RARB: variants seen among roughly 807,000 people sequenced by gnomAD.
The protein encoded by RARB is HBV-activated protein.
RARB carries 17 observed loss-of-function variants against 51.9 expected under a neutral mutation model. That is an observed-to-expected ratio of 0.33 (90% CI 0.22 to 0.49). The LOEUF is 0.49. Ranked by LOEUF, RARB falls within the 20% of genes least tolerant of loss-of-function variation. The pLI, the probability that RARB is intolerant of heterozygous loss-of-function variation, is 0.99. For synonymous variants in RARB, 215 were observed against 195.4 expected, an observed-to-expected ratio of 1.10 and a Z score of -0.84; for missense variants, 369 against 550.8, an observed-to-expected ratio of 0.67 and a Z score of 3.30.
chr3:25,244,053 C>G (rs374310736), intron 5 of RARB, among the ~76,000 whole-genome samples: 2 of 152,048 alleles, frequency 1.3e-5, no homozygotes, highest in East Asian at 3.8e-4. Context: ...GTGTATGTGT[C>G]CAGGAATCTA....
At chr3:24,885,205 T>G (rs760837253) in intron 2 of RARB, among the ~76,000 whole-genome samples, 23 of 152,076 alleles carry the variant, frequency 1.5e-4, no homozygotes, top group Non-Finnish European at 8.8e-5. Context: ...CCTTAAATGT[T>G]CAAGTAGGAT....
Position 25,210,529 on chromosome 3 carries a change from CTTTTTTTTT to C in RARB, c.178+35970_178+35978del, listed in dbSNP as rs773846113. Among the ~76,000 whole-genome samples, 19 of 27,636 alleles carry C rather than the reference CTTTTTTTTT, an allele frequency of 6.9e-4. 2 individuals carry two copies. Among genetic ancestry groups the C allele is most frequent in the Admixed American group, 3.5e-3 (6 of 1,732 alleles). 18.1% of individuals were successfully genotyped at this position (27,636 alleles called of 152,430 possible). A position where few individuals can be genotyped will look rare whatever the true frequency, so the allele number is the denominator to read the frequency against. ...GAAAGCCTGAAATCTTTATCTGATT[CTTTTTTTTT>C]TTTTTTTTTTTTTTTGAGATTGAGT... On this transcript the variant is annotated intron_variant, in intron 5 of 11. Transcript: ENST00000383772.
intron 2 of RARB, among the ~76,000 whole-genome samples, chr3:24,867,294 T>G (rs73135508): frequency 0.033 from 4,949 of 152,174 alleles, 249 homozygotes; most frequent in African/African-American, 0.11. Context: ...TCTCCCAAAG[T>G]TAGTTTGGCC....
intron 5 of RARB, among the ~76,000 whole-genome samples, chr3:25,387,436 C>T (rs1706826092): frequency 1.3e-5 from 2 of 152,196 alleles, no homozygotes; most frequent in Admixed American, 6.5e-5. Context: ...TTCAGAGAAC[C>T]GAAGTGGGGA....
At chr3:25,182,298 G>A (rs1447975106) in intron 5 of RARB, among the ~76,000 whole-genome samples, 1 of 152,196 alleles carries the variant, frequency 6.6e-6, no homozygotes, top group Non-Finnish European at 1.5e-5. Flanking sequence ...GTTAATAAGT[G>A]AGATGGACAA....
chr3:24,902,363 C>T (rs1482820626), intron 2 of RARB, among the ~76,000 whole-genome samples: 4 of 152,142 alleles, frequency 2.6e-5, no homozygotes, highest in South Asian at 2.1e-4. Flanking sequence ...AGGGAATCAC[C>T]GTCAGAGTGA....
intron 5 of RARB, among the ~76,000 whole-genome samples, chr3:25,188,134 A>G (rs1701018889): frequency 1.3e-5 from 2 of 152,220 alleles, no homozygotes; most frequent in Admixed American, 6.5e-5. Context: ...GTTTTGGGGT[A>G]TCCATGTGGG....
intron 2 of RARB, among the ~76,000 whole-genome samples, chr3:24,981,793 C>T (rs1696680400): frequency 6.6e-6 from 1 of 152,192 alleles, no homozygotes; most frequent in African/African-American, 2.4e-5. Flanking sequence ...GTGCTGTACC[C>T]ACTGTCCAAC....
intron 5 of RARB, among the ~76,000 whole-genome samples, chr3:25,276,964 A>G (rs991097575): frequency 1.3e-5 from 2 of 152,204 alleles, no homozygotes; most frequent in Non-Finnish European, 2.9e-5. Context: ...TGAGACAGGA[A>G]AGGAAGAAAG....
intron 1 of RARB, among the ~76,000 whole-genome samples, chr3:25,455,354 A>T (rs1368266): frequency 1.3e-5 from 2 of 150,730 alleles, no homozygotes; most frequent in Non-Finnish European, 2.9e-5. Context: ...GTGCTTCACC[A>T]TTGATAGTCT....
intron 2 of RARB, 68 bp from the exon 3 acceptor site, chr3:25,501,114 G>T (rs1455584325): frequency 1.3e-6 from 2 of 1,506,918 alleles, no homozygotes; most frequent in Admixed American, 2.5e-5. Flanking sequence ...CATTGATAAG[G>T]TTGGCTTTGA....
chr3:24,988,591 TA>T (rs956019606), intron 2 of RARB, among the ~76,000 whole-genome samples: 3 of 151,854 alleles, frequency 2.0e-5, no homozygotes, highest in African/African-American at 4.8e-5. Flanking sequence ...GTATAGATTA[TA>T]AAAAAAATAG....
intron 3 of RARB, among the ~76,000 whole-genome samples, chr3:25,084,032 G>C (rs1007249342): frequency 6.6e-6 from 1 of 152,118 alleles, no homozygotes; most frequent in African/African-American, 2.4e-5. Flanking sequence ...CTCTGGCAGA[G>C]TTCTCTCAGT....
Position 25,428,570 on chromosome 3 carries a change from G to C in RARB, c.-162G>C. 1 of 1,334,230 alleles carries C rather than the reference G, an allele frequency of 7.5e-7. No homozygotes were observed. The highest frequency in any genetic ancestry group is 9.6e-7 in the Non-Finnish European group (1 of 1,038,314). The allele number at this position is 1,334,230 out of a possible 1,614,324, so 82.6% of individuals were successfully genotyped here. A position where few individuals can be genotyped will look rare whatever the true frequency, so the allele number is the denominator to read the frequency against. ...TGGATCAATTACAGGCTTTTAGCTGGCTTGTCTGTCATAATTCATGATTCG... is the reference window on the plus strand; with the variant it reads ...TGGATCAATTACAGGCTTTTAGCTGCCTTGTCTGTCATAATTCATGATTCG... On this transcript the variant is annotated 5_prime_UTR_variant, in exon 1 of 8. Coordinates refer to ENST00000330688, the MANE Select transcript of RARB (RefSeq NM_000965.5).
Position 25,438,077 on chromosome 3 carries a change from G to T in RARB, c.157+9189G>T, listed in dbSNP as rs538119169. ...GGCTGAATCATCCATGGCTAAATTG[G>T]GCTGGCAATCCAAAAAGTCTCACTC... On this transcript the variant is annotated intron_variant, in intron 1 of 7. Coordinates refer to ENST00000330688, the MANE Select transcript of RARB (RefSeq NM_000965.5). Among the ~76,000 whole-genome samples, 18 of 152,270 alleles carry T rather than the reference G, an allele frequency of 1.2e-4. No individual in the cohort carries two copies. In the South Asian group the frequency reaches 3.5e-3, roughly 30 times the overall value.
At chr3:25,128,798 T>C (rs1055466932) in intron 3 of RARB, among the ~76,000 whole-genome samples, 1 of 151,758 alleles carries the variant, frequency 6.6e-6, no homozygotes, top group South Asian at 2.1e-4. Context: ...AAAAGAATGA[T>C]GAACTCGAGG....
chr3:25,155,005 A>G (rs748978085), intron 4 of RARB, among the ~76,000 whole-genome samples: 2 of 152,196 alleles, frequency 1.3e-5, no homozygotes, highest in Admixed American at 6.5e-5. Flanking sequence ...AAACTTGCCC[A>G]ATTCATTCAA....
chr3:25,216,538 G>C (rs900949261), intron 5 of RARB, among the ~76,000 whole-genome samples: 8 of 150,434 alleles, frequency 5.3e-5, no homozygotes, highest in African/African-American at 1.5e-4. Flanking sequence ...TGAACATTGA[G>C]AACACATAGA....
At chr3:25,171,304 T>C (rs1700640350) in intron 4 of RARB, among the ~76,000 whole-genome samples, 1 of 151,916 alleles carries the variant, frequency 6.6e-6, no homozygotes, top group Non-Finnish European at 1.5e-5. Flanking sequence ...GCTAATCTTT[T>C]TTTCTAAAAG....
Sources: allele counts gnomAD v4.1 joint callset (sites outside exome capture counted in the v4.1 genomes callset), GRCh38; gene constraint gnomAD v4.1.1; transcripts MANE v1.5; gene names NCBI Gene and HGNC (gene_info 2026-07-23, HGNC 2026-07-21).